The following HDGFL3 variants were observed in gnomAD, a reference collection of about 807,000 sequenced individuals.
HDGFL3 encodes the protein HDGF like 3, also known as hepatoma-derived growth factor-related protein 3.
A neutral mutation model predicts 27.6 loss-of-function variants in HDGFL3; 6 were observed. The ratio of observed to expected loss-of-function variants is 0.22; its 90% CI spans 0.12 to 0.43. The LOEUF (loss-of-function observed/expected upper bound fraction) is 0.43. Among genes scored for constraint, HDGFL3 ranks in the 20% least tolerant of loss-of-function variants. The pLI is 1.00. For synonymous variants in HDGFL3, 88 were observed against 88.9 expected, an observed-to-expected ratio of 0.99 and a Z score of 0.05; for missense variants, 207 against 250.1, an observed-to-expected ratio of 0.83 and a Z score of 1.16.
chr15:83,197,761 C>T (rs1349913432), intron 1 of HDGFL3, among the ~76,000 whole-genome samples: 3 of 152,082 alleles, frequency 2.0e-5, no homozygotes, highest in Non-Finnish European at 4.4e-5. Flanking sequence ...GTGGAACTTA[C>T]TACCTTTAAG....
intron 1 of HDGFL3, among the ~76,000 whole-genome samples, chr15:83,201,011 T>C (rs769954123): frequency 1.3e-5 from 2 of 152,164 alleles, no homozygotes; most frequent in Non-Finnish European, 2.9e-5. Flanking sequence ...AGGGTACTTT[T>C]ATGCAGGAGA....
chr15:83,174,508 A>C (rs2037285686), intron 1 of HDGFL3, among the ~76,000 whole-genome samples: 1 of 146,716 alleles, frequency 6.8e-6, no homozygotes, highest in Non-Finnish European at 1.5e-5. Context: ...AAAAAAAAAA[A>C]AAACCTCAAA....
At chr15:83,164,701 T>A (rs769316246) in intron 1 of HDGFL3, among the ~76,000 whole-genome samples, 8 of 152,224 alleles carry the variant, frequency 5.3e-5, no homozygotes, top group Non-Finnish European at 1.5e-5. Flanking sequence ...AAAATAAAGA[T>A]ATTTCAGCCC....
intron 4 of HDGFL3, 76 bp from the exon 5 acceptor site, chr15:83,151,437 C>T (rs1164414563): frequency 7.9e-7 from 1 of 1,263,224 alleles, no homozygotes; most frequent in East Asian, 2.4e-5. Flanking sequence ...GCAGAAATAG[C>T]TGACTTGCAT....
At chr15:83,183,050 G>C (rs2037398901) in intron 1 of HDGFL3, among the ~76,000 whole-genome samples, 1 of 152,188 alleles carries the variant, frequency 6.6e-6, no homozygotes, top group Non-Finnish European at 1.5e-5. Flanking sequence ...AAGAGGATGA[G>C]ACTAGTGTTA....
At chr15:83,126,732 A>C, downstream of HDGFL3, 1 of 1,582,932 alleles carries the variant, frequency 6.3e-7, no homozygotes, top group South Asian at 1.1e-5. Flanking sequence ...GTATTTTTAT[A>C]ATGAGTTTAT....
At chr15:83,187,155 ATTC>A (rs973372690) in intron 1 of HDGFL3, among the ~76,000 whole-genome samples, 3 of 148,896 alleles carry the variant, frequency 2.0e-5, no homozygotes, top group South Asian at 2.1e-4. Context: ...TTTCTTGGAA[ATTC>A]TTTTTTTTTT....
In HDGFL3 at chr15:83,151,375, C is replaced by A. The variant is rs116463693; in HGVS notation, c.460-14G>T. Reference sequence around the variant, plus strand: ...TTTAGAGGATTTCTAAATGTTTAGACAAGTTAAATATTATAGTCAAAAGCA... The same window carrying A: ...TTTAGAGGATTTCTAAATGTTTAGAAAAGTTAAATATTATAGTCAAAAGCA... On this transcript the variant is annotated splice_polypyrimidine_tract_variant and intron_variant, in intron 4 of 5. Coordinates refer to ENST00000299633, the MANE Select transcript of HDGFL3 (RefSeq NM_016073.4). The A allele has an allele frequency of 4.9e-4, 777 of 1,594,964 alleles. 1 individual carries two copies. The African/African-American group carries it at 8.5e-3, about 17-fold the overall frequency.
intron 1 of HDGFL3, among the ~76,000 whole-genome samples, chr15:83,193,921 C>A (rs924154088): frequency 1.3e-5 from 2 of 152,132 alleles, no homozygotes; most frequent in Non-Finnish European, 2.9e-5. Context: ...TATACGCTGC[C>A]ACGTTAATAA....
intron 3 of HDGFL3, among the ~76,000 whole-genome samples, chr15:83,118,266 T>TA (rs1555447908): frequency 2.1e-5 from 3 of 141,362 alleles, no homozygotes; most frequent in Non-Finnish European, 4.7e-5. Flanking sequence ...CACACACACA[T>TA]ACAGAGAGAG....
Position 83,207,566 on chromosome 15 carries a change from G to A in HDGFL3, c.-152C>T. 2.1e-6 allele frequency: 1 copy of A among 479,390 alleles called. No individual in the cohort carries two copies. Among genetic ancestry groups the A allele is most frequent in the African/African-American group, 2.0e-5 (1 of 49,196 alleles). 29.7% of individuals were successfully genotyped at this position (479,390 alleles called of 1,614,324 possible). A position where few individuals can be genotyped will look rare whatever the true frequency, so the allele number is the denominator to read the frequency against. Reference sequence around the variant, plus strand: ...CGACGAGGGGAAGCGGCGAGGCGGCGGCTGAGGCAAGGGGTGGGCGGGGGG... The same window carrying A: ...CGACGAGGGGAAGCGGCGAGGCGGCAGCTGAGGCAAGGGGTGGGCGGGGGG... On this transcript the variant is annotated 5_prime_UTR_variant, in exon 1 of 6. Coordinates refer to ENST00000299633, the MANE Select transcript of HDGFL3 (RefSeq NM_016073.4). This position sits in a 1 kb window ranked among gnomAD's most constrained non-coding sequence, Gnocchi z 4.8.
intron 4 of HDGFL3, among the ~76,000 whole-genome samples, chr15:83,152,158 G>A (rs1262377725): frequency 6.6e-6 from 1 of 152,198 alleles, no homozygotes; most frequent in East Asian, 1.9e-4. Context: ...GCAAGTAAGA[G>A]GTAAGGCAAA....
chr15:83,188,162 A>G (rs2151418983), intron 1 of HDGFL3, among the ~76,000 whole-genome samples: 1 of 152,314 alleles, frequency 6.6e-6, no homozygotes, highest in African/African-American at 2.4e-5. Context: ...GGTGAGGTTA[A>G]GCATCTTTTC....
chr15:83,126,684 T>C, downstream of HDGFL3: 5 of 1,280,912 alleles, frequency 3.9e-6, no homozygotes, highest in Non-Finnish European at 5.6e-6. Context: ...ACCTGGCACA[T>C]TTAGCCTTAT....
At chr15:83,119,656 G>T (rs1348464700) in intron 3 of HDGFL3, 18 of 1,614,076 alleles carry the variant, frequency 1.1e-5, no homozygotes, top group Non-Finnish European at 1.4e-5. Flanking sequence ...GATGTACCTG[G>T]TGATGGTGGC....
intron 5 of HDGFL3, among the ~76,000 whole-genome samples, chr15:83,141,544 C>G (rs1191012015): frequency 6.6e-6 from 1 of 152,122 alleles, no homozygotes; most frequent in African/African-American, 2.4e-5. Context: ...TCAGTGAAAA[C>G]TAGAATTTCA....
intron 1 of HDGFL3, among the ~76,000 whole-genome samples, chr15:83,201,960 A>G (rs1470040297): frequency 1.3e-5 from 2 of 152,194 alleles, no homozygotes; most frequent in Non-Finnish European, 2.9e-5. Flanking sequence ...AAAGTAATGA[A>G]GATTATAAAC....
intron 1 of HDGFL3, among the ~76,000 whole-genome samples, chr15:83,167,875 T>C (rs1407945032): frequency 6.6e-6 from 1 of 152,156 alleles, no homozygotes; most frequent in Admixed American, 6.5e-5. Flanking sequence ...ACACAGAACA[T>C]ACTCCAAGAT....
chr15:83,132,875 T>C lies in HDGFL3; in HGVS notation c.*6395A>G, dbSNP rs1459528987. On this transcript the variant is annotated 3_prime_UTR_variant, in exon 6 of 6. Transcript: ENST00000299633. ...TATTAAATTATACTGATTTAACATC[T>C]TTTATGTACTTATCCTTTCATGGAG... 1 of 152,246 alleles carries C rather than the reference T, an allele frequency of 6.6e-6. No individual in the cohort carries two copies. Among genetic ancestry groups the C allele is most frequent in the East Asian group, 1.9e-4 (1 of 5,206 alleles). The allele number at this position is 152,246 out of a possible 1,614,324, so 9.4% of individuals were successfully genotyped here.
Sources: allele counts gnomAD v4.1 joint callset (sites outside exome capture counted in the v4.1 genomes callset), GRCh38; gene constraint gnomAD v4.1.1; non-coding constraint Gnocchi (gnomAD v3.1); transcripts MANE v1.5; gene names NCBI Gene and HGNC (gene_info 2026-07-23, HGNC 2026-07-21).